The following LRBA variants were observed in gnomAD, a reference collection of about 807,000 sequenced individuals.
LRBA encodes lipopolysaccharide-responsive and beige-like anchor protein.
Under a neutral mutation model 330.0 loss-of-function variants are expected in LRBA, and 176 were observed. The observed-to-expected ratio is 0.53, with a 90% CI of 0.47 to 0.60. LRBA has a LOEUF of 0.60. Ranked by LOEUF, LRBA falls within the 20% of genes least tolerant of loss-of-function variation. The pLI, the probability that LRBA is intolerant of heterozygous loss-of-function variation, is 0.00. For synonymous variants in LRBA, 1,230 were observed against 1,193.0 expected (o/e 1.03, Z -0.64); for missense variants, 3,259 against 3,444.8 (o/e 0.95, Z 1.35).
intron 36 of LRBA, among the ~76,000 whole-genome samples, chr4:150,716,995 A>C (rs1373938598): frequency 6.6e-6 from 1 of 152,202 alleles, no homozygotes; most frequent in Non-Finnish European, 1.5e-5. Context: ...TGTGGTACTG[A>C]AATGAGACAA....
At chr4:150,459,470 G>A (rs569647254) in intron 44 of LRBA, among the ~76,000 whole-genome samples, 2 of 152,016 alleles carry the variant, frequency 1.3e-5, no homozygotes, top group South Asian at 4.2e-4. Context: ...CAAATCCTGA[G>A]CTTACCACTT....
intron 17 of LRBA, among the ~76,000 whole-genome samples, chr4:150,889,084 T>C (rs566438369): frequency 6.6e-6 from 1 of 152,320 alleles, no homozygotes; most frequent in East Asian, 1.9e-4. Context: ...CTAATTTCCT[T>C]CATCCCTGGG....
At chr4:150,315,156 C>T (rs1731551390) in intron 51 of LRBA, 1 of 265,280 alleles carries the variant, frequency 3.8e-6, no homozygotes, top group Non-Finnish European at 7.2e-6. Flanking sequence ...AAGAACCCCA[C>T]TGTTATTATG....
At chr4:150,926,792 A>G (rs779614724) in intron 4 of LRBA, among the ~76,000 whole-genome samples, 5 of 152,160 alleles carry the variant, frequency 3.3e-5, no homozygotes, top group Non-Finnish European at 7.4e-5. Context: ...ACAGAAAGAG[A>G]CCAGGCATGG....
chr4:150,865,984 G>A (rs978183537), intron 22 of LRBA, among the ~76,000 whole-genome samples: 5 of 152,126 alleles, frequency 3.3e-5, no homozygotes, highest in African/African-American at 1.2e-4. Flanking sequence ...CCAAAGTGCT[G>A]GGATTACAGG....
intron 36 of LRBA, among the ~76,000 whole-genome samples, chr4:150,707,865 C>CTGGAAGTTTAAATTTAAAATAAATTTA (rs1785787168): frequency 6.6e-6 from 1 of 151,584 alleles, no homozygotes; most frequent in Non-Finnish European, 1.5e-5. Flanking sequence ...CCAGAAAGGT[C>CTGGAAGTTTAAATTTAAAATAAATTTA]ATTTAAAATA....
At chr4:150,381,029 A>G (rs1742182285) in intron 47 of LRBA, among the ~76,000 whole-genome samples, 1 of 151,636 alleles carries the variant, frequency 6.6e-6, no homozygotes, top group African/African-American at 2.4e-5. Context: ...TTTTTAACTT[A>G]GAACTATTTA....
intron 36 of LRBA, among the ~76,000 whole-genome samples, chr4:150,733,329 G>C (rs1730737215): frequency 6.6e-6 from 1 of 152,050 alleles, no homozygotes; most frequent in African/African-American, 2.4e-5. Flanking sequence ...GATTAAGACA[G>C]AGAATGTGCT....
intron 34 of LRBA, among the ~76,000 whole-genome samples, chr4:150,765,604 A>C (rs1229858071): frequency 6.6e-6 from 1 of 152,090 alleles, no homozygotes; most frequent in Non-Finnish European, 1.5e-5. Context: ...AGTAATAAAA[A>C]AGTATTTACT....
At chr4:150,410,493 T>C (rs1746825003) in intron 47 of LRBA, among the ~76,000 whole-genome samples, 1 of 152,164 alleles carries the variant, frequency 6.6e-6, no homozygotes, top group Non-Finnish European at 1.5e-5. Flanking sequence ...GTCACCATTA[T>C]GAAATAGTAG....
intron 40 of LRBA, among the ~76,000 whole-genome samples, chr4:150,563,587 TCAAA>T (rs1768678447): frequency 6.6e-6 from 1 of 152,128 alleles, no homozygotes; most frequent in Non-Finnish European, 1.5e-5. Flanking sequence ...AGAGAGAAAG[TCAAA>T]TTGTCTCTGT....
intron 28 of LRBA, among the ~76,000 whole-genome samples, chr4:150,842,115 C>T (rs994133434): frequency 6.6e-6 from 1 of 152,074 alleles, no homozygotes; most frequent in African/African-American, 2.4e-5. Flanking sequence ...TTTCAGTAAT[C>T]ATATAGTAAA....
At chr4:150,698,771 TA>T (rs1207651434) in intron 36 of LRBA, among the ~76,000 whole-genome samples, 1 of 152,206 alleles carries the variant, frequency 6.6e-6, no homozygotes, top group African/African-American at 2.4e-5. Flanking sequence ...ACCTGTCCTT[TA>T]TACAGGTAAG....
At chr4:150,418,975 C>G (rs1026017491) in intron 46 of LRBA, among the ~76,000 whole-genome samples, 15 of 151,640 alleles carry the variant, frequency 9.9e-5, no homozygotes, top group Admixed American at 7.2e-4. Context: ...TTTTTTTCCC[C>G]AGCCTGGGGG....
intron 53 of LRBA, among the ~76,000 whole-genome samples, chr4:150,288,314 TAA>T (rs1748419060): frequency 6.6e-6 from 1 of 151,476 alleles, no homozygotes; most frequent in Non-Finnish European, 1.5e-5. Flanking sequence ...TATACTGTTT[TAA>T]AAAGTTATTG....
chr4:150,539,678 G>A (rs1020755851), intron 40 of LRBA, among the ~76,000 whole-genome samples: 3 of 152,098 alleles, frequency 2.0e-5, no homozygotes, highest in African/African-American at 4.8e-5. Flanking sequence ...AGAATCCAAC[G>A]TAACATATAC....
chr4:150,369,979 T>C (rs1740027060), intron 47 of LRBA, among the ~76,000 whole-genome samples: 1 of 152,210 alleles, frequency 6.6e-6, no homozygotes, highest in South Asian at 2.1e-4. Context: ...GGGCTCCCAG[T>C]GCTTTCTTCA....
intron 9 of LRBA, among the ~76,000 whole-genome samples, chr4:150,910,708 C>T (rs529743837): frequency 3.4e-4 from 51 of 152,198 alleles, no homozygotes; most frequent in African/African-American, 1.2e-3. Flanking sequence ...GCAAAAAATG[C>T]CATTGGGATT....
In LRBA at chr4:151,014,825, C is replaced by A. The variant is rs757836633; in HGVS notation, c.-183G>T. 6 of 570,782 alleles carry A rather than the reference C, an allele frequency of 1.1e-5. No individual in the cohort carries two copies. The highest frequency in any genetic ancestry group is 1.9e-5 in the Non-Finnish European group (6 of 320,718). 35.4% of individuals were successfully genotyped at this position (570,782 alleles called of 1,614,324 possible). On this transcript the variant is annotated 5_prime_UTR_variant, in exon 2 of 57. Coordinates refer to ENST00000651943, the MANE Select transcript of LRBA (RefSeq NM_001364905.1). ...CTCCTCCTCTTGGAGAATATTTGTC[C>A]AATCTCTCTCCCCGAGGCTGACAAC...
Sources: allele counts gnomAD v4.1 joint callset (sites outside exome capture counted in the v4.1 genomes callset), GRCh38; gene constraint gnomAD v4.1.1; transcripts MANE v1.5; gene names NCBI Gene and HGNC (gene_info 2026-07-23, HGNC 2026-07-21).